Variants in NPAS2 observed in about 807,000 individuals in gnomAD.
The protein encoded by NPAS2 is neuronal PAS domain-containing protein 2.
A neutral mutation model predicts 107.5 loss-of-function variants in NPAS2; 23 were observed. That is an observed-to-expected ratio of 0.21 (90% CI 0.15 to 0.30). NPAS2 has a LOEUF of 0.30. Among genes scored for constraint, NPAS2 ranks in the 10% least tolerant of loss-of-function variants. The pLI is 1.00. For synonymous variants in NPAS2, 403 were observed against 417.5 expected, an observed-to-expected ratio of 0.97 and a Z score of 0.42; for missense variants, 756 against 1,043.3, an observed-to-expected ratio of 0.72 and a Z score of 3.79.
chr2:100,969,891 G>A (rs1676439780), intron 11 of NPAS2, among the ~76,000 whole-genome samples: 1 of 152,094 alleles, frequency 6.6e-6, no homozygotes, highest in African/African-American at 2.4e-5. Context: ...CAATCTTAGG[G>A]AACCACCAAT....
At chr2:100,878,126 G>C in intron 1 of NPAS2, 1 of 985,416 alleles carries the variant, frequency 1.0e-6, no homozygotes, top group Non-Finnish European at 1.2e-6. Flanking sequence ...CAGCAGCTGA[G>C]ACAAGCAGCC....
chr2:100,820,015 G>A (rs1675971594), upstream of NPAS2: 2 of 151,392 alleles, frequency 1.3e-5, no homozygotes, highest in African/African-American at 2.4e-5. The surrounding 1 kb of genome is among the most constrained non-coding windows in gnomAD (Gnocchi z 5.6). Context: ...AGACCCCGCA[G>A]GCGGAGGCAG....
rs79146192 is a variant in NPAS2 at position 100,820,650 on chromosome 2, G to T, written c.-23+236G>T. On this transcript the variant is annotated intron_variant, in intron 1 of 20. Transcript: ENST00000335681. The surrounding 1 kb of genome is among the most constrained non-coding windows in gnomAD (Gnocchi z 5.6). ...TCCTGCAGGAGGTAGCAATCGCTGG[G>T]CCGGTGGGCTCCGGGCGCGTCTCGA... Among the ~76,000 whole-genome samples, 659 of 152,230 alleles carry T rather than the reference G, an allele frequency of 4.3e-3. 27 individuals are homozygous for T. The East Asian group carries it at 0.09, about 21-fold the overall frequency.
At chr2:100,962,676 C>T (rs1289071394) in intron 7 of NPAS2, 2 of 152,224 alleles carry the variant, frequency 1.3e-5, no homozygotes, top group Non-Finnish European at 2.9e-5. Flanking sequence ...AGTAAATTGG[C>T]TTTTCTCCTA....
intron 1 of NPAS2, among the ~76,000 whole-genome samples, chr2:100,895,068 T>C (rs1462840682): frequency 6.6e-6 from 1 of 151,908 alleles, no homozygotes; most frequent in Non-Finnish European, 1.5e-5. Context: ...TAGTCCAGTA[T>C]TCTAGACAGC....
chr2:100,975,561 C>G lies in NPAS2; in HGVS notation c.1386C>G (p.Thr462=), dbSNP rs1410908526. 5 of 1,609,690 alleles carry G rather than the reference C, an allele frequency of 3.1e-6. No homozygotes were observed. In the South Asian group the frequency reaches 4.4e-5, roughly 14 times the overall value. ...LPVPGLSQAA[T]MPAPLPSPSS... ...TCCCCGGGCTCAGCCAGGCAGCCAC[C>G]ATGCCGGTAAGTGTGTGACCCCAAA... is the stretch of plus-strand genomic sequence containing the variant. The change falls in exon 14 of 21, where the codon ACC becomes ACG. Residue 462 remains threonine, a synonymous_variant. Coordinates refer to ENST00000335681, the MANE Select transcript of NPAS2 (RefSeq NM_002518.4).
At chr2:100,962,058 G>A (rs1321532267) in intron 7 of NPAS2, among the ~76,000 whole-genome samples, 29 of 152,090 alleles carry the variant, frequency 1.9e-4, no homozygotes, top group Non-Finnish European at 8.8e-5. Flanking sequence ...CGTCCCTTAT[G>A]TGGAATTGTT....
rs141469743 is a variant in NPAS2, at chr2:100,989,215, G to C, written c.1827+939G>C. ...CACATTCCCATGCCCTCGTGGCTTT[G>C]GTAAAGTCAGCTGAGCTCCTGGAAT... On this transcript the variant is annotated intron_variant, in intron 17 of 20. Transcript: ENST00000335681. 1,073 of 155,052 alleles carry C rather than the reference G, an allele frequency of 6.9e-3. 5 individuals are homozygous for C. The highest frequency in any genetic ancestry group is 0.014 in the Admixed American group (218 of 15,492). 9.6% of individuals were successfully genotyped at this position (155,052 alleles called of 1,614,324 possible).
intron 1 of NPAS2, among the ~76,000 whole-genome samples, chr2:100,894,203 T>C (rs1174396509): frequency 1.3e-5 from 2 of 152,352 alleles, no homozygotes; most frequent in East Asian, 3.9e-4. Flanking sequence ...GGTGTGTGAA[T>C]GTCATTTGCA....
At chr2:100,983,382 G>C (rs1283473089) in intron 16 of NPAS2, 1 of 152,296 alleles carries the variant, frequency 6.6e-6, no homozygotes, top group Non-Finnish European at 1.5e-5. Flanking sequence ...GCAGGTGTCT[G>C]GGGGCTTAGG....
In NPAS2 at chr2:100,891,568, G is replaced by C. The variant is rs1681072113; in HGVS notation, c.-22-13165G>C. On this transcript the variant is annotated intron_variant, in intron 1 of 20. Transcript: ENST00000335681. ...TGGGTCCACTTCAGCTTACAGATGA[G>C]GTCATCATGCCCAGGCTCCAAGGCC... Among the ~76,000 whole-genome samples the C allele has an allele frequency of 3.9e-5, 6 of 152,308 alleles. 1 individual carries two copies. In the South Asian group the frequency reaches 1.2e-3, roughly 32 times the overall value.
rs1224207538 is a variant in NPAS2, at chr2:100,916,054, A to G, written c.33-9092A>G. Among the ~76,000 whole-genome samples the G allele has an allele frequency of 3.3e-5, 5 of 152,194 alleles. No individual in the cohort carries two copies. The East Asian group carries it at 9.6e-4, about 29-fold the overall frequency. ...CTTTGAAAAGACAAGTTTGTATATT[A>G]CAGTCCCTAGAATTATTACTAAAAG... On this transcript the variant is annotated intron_variant, in intron 2 of 20. Coordinates refer to ENST00000335681, the MANE Select transcript of NPAS2 (RefSeq NM_002518.4).
upstream of NPAS2, among the ~76,000 whole-genome samples, chr2:100,819,341 TC>T (rs1675910836): frequency 6.6e-6 from 1 of 152,010 alleles, no homozygotes; most frequent in South Asian, 2.1e-4. This position sits in a 1 kb window ranked among gnomAD's most constrained non-coding sequence, Gnocchi z 5.8. Context: ...ATTAGCCGGT[TC>T]CTTTCCATCC....
chr2:100,956,823 G>A (rs1375275817), intron 7 of NPAS2, among the ~76,000 whole-genome samples: 1 of 152,210 alleles, frequency 6.6e-6, no homozygotes, highest in Non-Finnish European at 1.5e-5. Context: ...CCCGGGATTT[G>A]TCAGGCTCTG....
upstream of NPAS2, among the ~76,000 whole-genome samples, chr2:100,819,031 C>A (rs1675886908): frequency 6.6e-6 from 1 of 152,142 alleles, no homozygotes. The surrounding 1 kb of genome is among the most constrained non-coding windows in gnomAD (Gnocchi z 5.8). Flanking sequence ...TATTCCTGTA[C>A]CTCTGCCTCC....
chr2:100,963,263 T>A (rs984650031), intron 7 of NPAS2, among the ~76,000 whole-genome samples: 4 of 152,344 alleles, frequency 2.6e-5, no homozygotes, highest in Non-Finnish European at 5.9e-5. Context: ...GTGTCAATGA[T>A]GCCGAGACAC....
Position 100,932,938 on chromosome 2 carries a change from C to T in NPAS2, c.210C>T (p.Asp70=). 2.5e-6 allele frequency: 4 copies of T among 1,614,052 alleles called. No individual in the cohort carries two copies. The South Asian group carries it at 4.4e-5, about 18-fold the overall frequency. ...NEVSAQTEIC[D]IQQDWKPSFL... Reference sequence around the variant, plus strand: ...TCTCAGCGCAAACGGAAATCTGTGACATTCAGCAAGACTGGAAGCCTTCAT... The same window carrying T: ...TCTCAGCGCAAACGGAAATCTGTGATATTCAGCAAGACTGGAAGCCTTCAT... Residue 70 remains aspartate (D), a synonymous_variant, in exon 4 of 21, where the codon GAC becomes GAT. Coordinates refer to ENST00000335681, the MANE Select transcript of NPAS2 (RefSeq NM_002518.4).
At chr2:100,831,647 C>G (rs552100287) in intron 1 of NPAS2, among the ~76,000 whole-genome samples, 5 of 152,172 alleles carry the variant, frequency 3.3e-5, no homozygotes, top group South Asian at 2.1e-4. Context: ...TGGCCTCCCC[C>G]CTTTCCCCTT....
intron 1 of NPAS2, among the ~76,000 whole-genome samples, chr2:100,825,343 A>C (rs748509516): frequency 5.9e-5 from 9 of 152,268 alleles, no homozygotes; most frequent in Non-Finnish European, 1.2e-4. Context: ...ATAGAAAAGA[A>C]GGAAAAAACC....
Sources: allele counts gnomAD v4.1 joint callset (sites outside exome capture counted in the v4.1 genomes callset), GRCh38; gene constraint gnomAD v4.1.1; non-coding constraint Gnocchi (gnomAD v3.1); transcripts MANE v1.5; gene names NCBI Gene and HGNC (gene_info 2026-07-23, HGNC 2026-07-21).